RANGAP1: variants seen among roughly 807,000 people sequenced by gnomAD.
The protein encoded by RANGAP1 is Ran GTPase activating protein 1.
RANGAP1 carries 38 observed loss-of-function variants against 63.5 expected under a neutral mutation model. The observed-to-expected ratio is 0.60, with a 90% confidence interval of 0.46 to 0.78. The LOEUF (loss-of-function observed/expected upper bound fraction) is 0.78. Ranked by LOEUF, RANGAP1 falls within the 30% of genes least tolerant of loss-of-function variation. RANGAP1 has a pLI of 0.00. For synonymous variants in RANGAP1, 329 were observed against 310.5 expected, an observed-to-expected ratio of 1.06 and a Z score of -0.63; for missense variants, 630 against 740.3, an observed-to-expected ratio of 0.85 and a Z score of 1.73.
chr22:41,293,038 A>G, the RANGAP1 span, among the ~76,000 whole-genome samples: 1 of 151,842 alleles, frequency 6.6e-6, no homozygotes, highest in Non-Finnish European at 1.5e-5. Flanking sequence ...GATTGAGACC[A>G]TCCTGGCTAA....
At chr22:41,252,823 T>C (rs770941466) in intron 12 of RANGAP1, 49 bp downstream of exon 12, 1 of 1,481,114 alleles carries the variant, frequency 6.8e-7, no homozygotes, top group Non-Finnish European at 9.0e-7. Flanking sequence ...CTCTAACAGC[T>C]CCAGAAGCCA....
At chr22:41,258,436 G>A (rs556449747) in intron 6 of RANGAP1, among the ~76,000 whole-genome samples, 1 of 152,148 alleles carries the variant, frequency 6.6e-6, no homozygotes, top group Non-Finnish European at 1.5e-5. Context: ...CCCTGGCTGT[G>A]GTGGGCAGGC....
At chr22:41,262,158 C>T (rs1338051875) in intron 5 of RANGAP1, among the ~76,000 whole-genome samples, 1 of 152,154 alleles carries the variant, frequency 6.6e-6, no homozygotes, top group African/African-American at 2.4e-5. Flanking sequence ...GCTGGCCAGG[C>T]ACAGCAGGAG....
At chr22:41,284,598 G>A (rs967143914) in intron 1 of RANGAP1, among the ~76,000 whole-genome samples, 9 of 152,050 alleles carry the variant, frequency 5.9e-5, no homozygotes. Flanking sequence ...AGAGTCGGGT[G>A]TAATGGTTCA....
At chr22:41,284,540 G>A (rs989907141) in intron 1 of RANGAP1, among the ~76,000 whole-genome samples, 3 of 151,426 alleles carry the variant, frequency 2.0e-5, no homozygotes, top group East Asian at 1.9e-4. Flanking sequence ...GCACTCCAAC[G>A]TGGGCAACAA....
chr22:41,249,299 G>C, intron 15 of RANGAP1, 31 bp downstream of exon 15: 1 of 1,564,368 alleles, frequency 6.4e-7, no homozygotes. Context: ...CGAGAGGGCA[G>C]GCACCGGCAG....
rs139539 is a variant in RANGAP1, at chr22:41,283,382, G to A, written c.-38-2300C>T. Among the ~76,000 whole-genome samples, 625 of 152,198 alleles carry A rather than the reference G, an allele frequency of 4.1e-3. 3 individuals carry two copies. The highest frequency in any genetic ancestry group is 6.9e-3 in the Non-Finnish European group (467 of 68,000). ...AAATTAGCTGGGCGTGGTGGCACAC[G>A]CCTTTAGTCCCAGCTACTCGGGAGG... On this transcript the variant is annotated intron_variant, in intron 1 of 15. Transcript: ENST00000356244.
rs185937615 is a variant in RANGAP1, at chr22:41,278,943, C to T, written c.112+1990G>A. 2.1e-3 allele frequency among the ~76,000 whole-genome samples: 323 copies of T among 152,146 alleles called. 2 individuals are homozygous for T. Among genetic ancestry groups the T allele is most frequent in the African/African-American group, 7.5e-3 (311 of 41,502 alleles). On this transcript the variant is annotated intron_variant, in intron 2 of 15. Coordinates refer to ENST00000356244, the MANE Select transcript of RANGAP1 (RefSeq NM_002883.4). The stretch of plus-strand genomic sequence containing the variant: ...CATGAGGTCAGGAGATCGAGACCAT[C>T]TTGGCTAACTAACACGGTGAAACCC...
chr22:41,275,282 C>T (rs1314426404), intron 2 of RANGAP1, among the ~76,000 whole-genome samples: 1 of 151,758 alleles, frequency 6.6e-6, no homozygotes, highest in East Asian at 1.9e-4. Flanking sequence ...TGCTTGAGCC[C>T]AGGAGTTTAA....
the RANGAP1 span, among the ~76,000 whole-genome samples, chr22:41,298,545 C>T: frequency 6.6e-6 from 1 of 151,520 alleles, no homozygotes; most frequent in South Asian, 2.1e-4. Context: ...AAGCTCCTGA[C>T]CTCAGGTGAT....
At chr22:41,274,752 C>T (rs756400040) in intron 2 of RANGAP1, 25 bp from the exon 3 acceptor site, 2 of 1,612,560 alleles carry the variant, frequency 1.2e-6, no homozygotes, top group Admixed American at 1.7e-5. Flanking sequence ...AGAGCAGAAC[C>T]TTAGGCTTTT....
chr22:41,251,368 G>C (rs544053628), intron 12 of RANGAP1, among the ~76,000 whole-genome samples: 3 of 152,218 alleles, frequency 2.0e-5, no homozygotes, highest in African/African-American at 7.2e-5. Flanking sequence ...GCTCATGCCT[G>C]TAACCCCAGC....
intron 1 of RANGAP1, among the ~76,000 whole-genome samples, chr22:41,283,175 G>T (rs1291482230): frequency 1.5e-5 from 2 of 137,476 alleles, no homozygotes; most frequent in African/African-American, 2.7e-5. Flanking sequence ...TGAAGCATAT[G>T]TTCTAAATGA....
intron 2 of RANGAP1, among the ~76,000 whole-genome samples, chr22:41,275,240 C>T (rs1040396188): frequency 2.0e-5 from 3 of 152,222 alleles, no homozygotes; most frequent in Non-Finnish European, 2.9e-5. Context: ...CGCCTGTAAT[C>T]CCAGTACTTT....
At chr22:41,258,356 G>A (rs1273634769) in intron 6 of RANGAP1, among the ~76,000 whole-genome samples, 3 of 152,256 alleles carry the variant, frequency 2.0e-5, no homozygotes, top group Non-Finnish European at 4.4e-5. Flanking sequence ...GACTTGCCCA[G>A]GGTCACAGAG....
At position 41,246,175 on chromosome 22, in the gene RANGAP1, C is replaced by A; in HGVS notation, c.*428G>T. The A allele has an allele frequency of 5.2e-6, 1 of 192,068 alleles. No individual in the cohort carries two copies. 11.9% of individuals were successfully genotyped at this position (192,068 alleles called of 1,614,324 possible). A position where few individuals can be genotyped will look rare whatever the true frequency, so the allele number is the denominator to read the frequency against. On this transcript the variant is annotated 3_prime_UTR_variant, in exon 16 of 16. Coordinates refer to ENST00000356244, the MANE Select transcript of RANGAP1 (RefSeq NM_002883.4). Reference sequence around the variant, plus strand: ...AGGGCAGGAAACAACCCAATCACAACACAGAGGGGAAGGACAGCACGCGGG... The same window carrying A: ...AGGGCAGGAAACAACCCAATCACAAAACAGAGGGGAAGGACAGCACGCGGG...
chr22:41,264,710 T>C lies in RANGAP1; in HGVS notation c.434A>G (p.Gln145Arg), dbSNP rs1253121916. The change falls in exon 5 of 16, where the codon CAG becomes CGG. Residue 145 changes from glutamine (Q) to arginine (R), a missense_variant. By Grantham distance (43) the Gln-to-Arg change is conservative. Coordinates refer to ENST00000356244, the MANE Select transcript of RANGAP1 (RefSeq NM_002883.4). ...GCCACAGTTGTTGAGCTTGAGTTCCTGCAGGGTGAAGCAGGCTGAGCTCTT... is the reference window on the plus strand; with the variant it reads ...GCCACAGTTGTTGAGCTTGAGTTCCCGCAGGGTGAAGCAGGCTGAGCTCTT... ...LLKSSACFTLQELKLNNCGMG... is the reference protein window; with the variant it reads ...LLKSSACFTLRELKLNNCGMG... 1.2e-6 allele frequency: 2 copies of C among 1,613,922 alleles called. No individual in the cohort carries two copies. Among genetic ancestry groups the C allele is most frequent in the Non-Finnish European group, 8.5e-7 (1 of 1,179,770 alleles).
upstream of RANGAP1, among the ~76,000 whole-genome samples, chr22:41,290,745 C>T (rs112659552): frequency 0.014 from 2,169 of 152,276 alleles, 31 homozygotes; most frequent in Non-Finnish European, 0.02. Context: ...TGCCTGAAAA[C>T]GAACTTAATT....
At chr22:41,290,158 AAGAGAG>A (rs1217806089), upstream of RANGAP1, among the ~76,000 whole-genome samples, 1,207 of 138,680 alleles carry the variant, frequency 8.7e-3, 14 homozygotes, top group African/African-American at 0.032. Context: ...AAAAAAAAAA[AAGAGAG>A]AGAGAGAGAG....
Sources: gnomAD v4.1 joint callset for allele counts (sites outside exome capture counted in the v4.1 genomes callset) on GRCh38, gnomAD v4.1.1 for gene constraint, MANE v1.5 for transcripts, NCBI Gene and HGNC (gene_info 2026-07-23, HGNC 2026-07-21) for gene names.